SKIL: variants seen among roughly 807,000 people sequenced by gnomAD.
SKIL encodes ski-like protein.
SKIL carries 20 observed loss-of-function variants against 69.6 expected under a neutral mutation model. The ratio of observed to expected loss-of-function variants is 0.29; its 90% CI spans 0.20 to 0.42. SKIL has a LOEUF of 0.42. Among genes scored for constraint, SKIL ranks in the 10% least tolerant of loss-of-function variants. SKIL has a pLI of 1.00. For synonymous variants in SKIL, 310 were observed against 279.9 expected, an observed-to-expected ratio of 1.11 and a Z score of -1.08; for missense variants, 745 against 783.1, an observed-to-expected ratio of 0.95 and a Z score of 0.58.
rs964160920 is a variant in SKIL, at chr3:170,382,854, G to T, written c.1196+1513G>T. ...CTGCCTCAGCCTCCTGAGTAGCTGG[G>T]ATTACAGGCATCCGCTGCTACGCCC... is the stretch of plus-strand genomic sequence containing the variant. On this transcript the variant is annotated intron_variant, in intron 3 of 6. Coordinates refer to ENST00000259119, the MANE Select transcript of SKIL (RefSeq NM_005414.5). 4.6e-5 allele frequency among the ~76,000 whole-genome samples: 7 copies of T among 151,550 alleles called. No homozygotes were observed. In the East Asian group the frequency reaches 9.6e-4, roughly 21 times the overall value.
intron 2 of SKIL, among the ~76,000 whole-genome samples, chr3:170,376,744 T>C (rs774056668): frequency 6.6e-6 from 1 of 151,996 alleles, no homozygotes; most frequent in African/African-American, 2.4e-5. Context: ...CCTGGCTAAT[T>C]TTTGTATTAT....
chr3:170,365,973 C>T (rs1736488185), intron 2 of SKIL, among the ~76,000 whole-genome samples: 1 of 151,274 alleles, frequency 6.6e-6, no homozygotes, highest in South Asian at 2.1e-4. Context: ...CCAGGCTGAT[C>T]TTGAACTCCT....
intron 2 of SKIL, among the ~76,000 whole-genome samples, chr3:170,373,214 T>C (rs576873956): frequency 4.6e-5 from 7 of 152,286 alleles, no homozygotes; most frequent in Admixed American, 4.6e-4. Flanking sequence ...TCGCCCAGGC[T>C]GGAGTACAGT....
chr3:170,379,864 G>A (rs1169483054), intron 2 of SKIL, among the ~76,000 whole-genome samples: 1 of 151,696 alleles, frequency 6.6e-6, no homozygotes, highest in African/African-American at 2.4e-5. Context: ...TGCTGGTCTC[G>A]AACTCCTGAC....
chr3:170,358,183 C>T (rs899640321), intron 1 of SKIL, among the ~76,000 whole-genome samples: 2 of 152,194 alleles, frequency 1.3e-5, no homozygotes, highest in Admixed American at 6.5e-5. Context: ...CCTAAACTGC[C>T]CTGGTGTCCT....
rs1277018201 is a variant in SKIL, at chr3:170,393,437, C to T, written c.*1020C>T. On this transcript the variant is annotated 3_prime_UTR_variant, in exon 7 of 7. Transcript: ENST00000259119. The stretch of plus-strand genomic sequence containing the variant: ...ACCATTTTCATTTACTACTTAATAT[C>T]AAAATCAGGAATTTACAGTCAACTG... 1 of 152,118 alleles carries T rather than the reference C, an allele frequency of 6.6e-6. No individual in the cohort carries two copies. The highest frequency in any genetic ancestry group is 1.5e-5 in the Non-Finnish European group (1 of 68,006). The allele number at this position is 152,118 out of a possible 1,614,324, so 9.4% of individuals were successfully genotyped here.
intron 2 of SKIL, among the ~76,000 whole-genome samples, chr3:170,375,414 G>A (rs767919017): frequency 2.6e-5 from 4 of 152,174 alleles, no homozygotes; most frequent in Non-Finnish European, 5.9e-5. Context: ...AAATCAAACT[G>A]TAGGGTTTTG....
At chr3:170,373,615 A>T (rs1368075146) in intron 2 of SKIL, among the ~76,000 whole-genome samples, 1 of 152,252 alleles carries the variant, frequency 6.6e-6, no homozygotes, top group African/African-American at 2.4e-5. Flanking sequence ...AAAGATCAAA[A>T]TAGTAATCTG....
chr3:170,391,391 C>T lies in SKIL; in HGVS notation c.1896+131C>T, dbSNP rs187904912. ...GGAGTGCAGTGGCACAATCTCAGCTCCCCACAACCTCTGCCTCCCGGGTTC... is the reference window on the plus strand; with the variant it reads ...GGAGTGCAGTGGCACAATCTCAGCTTCCCACAACCTCTGCCTCCCGGGTTC... On this transcript the variant is annotated intron_variant, in intron 6 of 6. Transcript: ENST00000259119. The T allele has an allele frequency of 2.6e-4, 154 of 597,180 alleles. 1 individual carries two copies. In the East Asian group the frequency reaches 4.5e-3, roughly 17 times the overall value. 37.0% of individuals were successfully genotyped at this position (597,180 alleles called of 1,614,324 possible).
intron 2 of SKIL, among the ~76,000 whole-genome samples, chr3:170,373,559 A>G (rs1464343726): frequency 1.3e-5 from 2 of 152,174 alleles, no homozygotes; most frequent in African/African-American, 4.8e-5. Context: ...TTGAGGCATT[A>G]TCTTGGTTTC....
At chr3:170,362,220 C>T (rs1736278224) in intron 2 of SKIL, among the ~76,000 whole-genome samples, 1 of 152,062 alleles carries the variant, frequency 6.6e-6, no homozygotes, top group Admixed American at 6.6e-5. Context: ...ATATAAAAAC[C>T]TGCCGGGCTC....
chr3:170,381,207 A>G, intron 2 of SKIL, 37 bp from the exon 3 acceptor site: 1 of 1,117,630 alleles, frequency 8.9e-7, no homozygotes, highest in East Asian at 2.3e-5. Flanking sequence ...TCACAGTTTT[A>G]CTTCAATAAA....
intron 4 of SKIL, among the ~76,000 whole-genome samples, chr3:170,388,902 C>T (rs1737777436): frequency 6.7e-6 from 1 of 149,662 alleles, no homozygotes; most frequent in South Asian, 2.1e-4. Flanking sequence ...CAGAGTCTCA[C>T]TCTGTTGCCC....
At position 170,396,697 on chromosome 3, in the gene SKIL, A is replaced by AT. The variant is rs1738204848; in HGVS notation, c.*4283dup. ...ACCTAGTTTACAAATTTTGAATTAT[A>AT]TTTATTGAAACATGACATACTGTGC... On this transcript the variant is annotated 3_prime_UTR_variant, in exon 7 of 7. Transcript: ENST00000259119. 6.6e-6 allele frequency: 1 copy of AT among 152,196 alleles called. No individual in the cohort carries two copies. Among genetic ancestry groups the AT allele is most frequent in the African/African-American group, 2.4e-5 (1 of 41,458 alleles). The allele number at this position is 152,196 out of a possible 1,614,324, so 9.4% of individuals were successfully genotyped here.
At chr3:170,368,915 G>C (rs1211189572) in intron 2 of SKIL, among the ~76,000 whole-genome samples, 1 of 152,088 alleles carries the variant, frequency 6.6e-6, no homozygotes, top group Non-Finnish European at 1.5e-5. Context: ...ACCACATTGG[G>C]GTTTTGAATG....
intron 2 of SKIL, among the ~76,000 whole-genome samples, chr3:170,366,808 A>G (rs571272113): frequency 6.3e-4 from 96 of 152,258 alleles, no homozygotes; most frequent in African/African-American, 2.1e-3. Flanking sequence ...TGGAATAATC[A>G]TTATTTTACT....
At chr3:170,380,490 A>G (rs1032536760) in intron 2 of SKIL, among the ~76,000 whole-genome samples, 4 of 151,994 alleles carry the variant, frequency 2.6e-5, no homozygotes, top group African/African-American at 9.7e-5. Context: ...TAAGAATACA[A>G]AAAATTAGCT....
chr3:170,368,862 T>TA (rs368801889), intron 2 of SKIL, among the ~76,000 whole-genome samples: 46 of 152,336 alleles, frequency 3.0e-4, no homozygotes, highest in African/African-American at 1.1e-3. Flanking sequence ...CCCAAAAAGA[T>TA]ACATTGATTG....
rs1737842334 is a variant in SKIL at position 170,390,223 on chromosome 3, A to G, written c.1430A>G (p.Asp477Gly). 2 of 1,606,678 alleles carry G rather than the reference A, an allele frequency of 1.2e-6. No homozygotes were observed. Among genetic ancestry groups the G allele is most frequent in the African/African-American group, 2.7e-5 (2 of 74,740 alleles). ...KTSRELCSRL[D>G]ASISNNSTSK... ...GTTACTTGATTTTTTTCTCTCCAAG[A>G]TGCATCAATCTCAAATAATTCTACA... Residue 477 changes from aspartate (D) to glycine (G), a missense_variant and splice_region_variant, in exon 5 of 7, where the codon GAT becomes GGT. Coordinates refer to ENST00000259119, the MANE Select transcript of SKIL (RefSeq NM_005414.5).
Sources: gnomAD v4.1 joint callset for allele counts (sites outside exome capture counted in the v4.1 genomes callset) on GRCh38, gnomAD v4.1.1 for gene constraint, MANE v1.5 for transcripts, NCBI Gene and HGNC (gene_info 2026-07-23, HGNC 2026-07-21) for gene names.